ITGAL: variants seen among roughly 807,000 people sequenced by gnomAD.
The protein encoded by ITGAL is integrin subunit alpha L, also known as integrin alpha-L.
In ITGAL, 68 loss-of-function variants were observed where a neutral mutation model predicts 138.4. That is an observed-to-expected ratio of 0.49 (90% CI 0.40 to 0.60). The LOEUF (loss-of-function observed/expected upper bound fraction) is 0.60. Ranked by LOEUF, ITGAL falls within the 20% of genes least tolerant of loss-of-function variation. The probability of loss-of-function intolerance (pLI) is 0.00; values close to 1 mark genes in which losing one functional copy is unlikely to be tolerated. For missense variants in ITGAL, 1,256 were observed against 1,478.6 expected (o/e 0.85, Z 2.47); for synonymous variants, 561 against 584.3 (o/e 0.96, Z 0.57).
rs773068960 is a variant in ITGAL, at chr16:30,499,076, C to T, written c.1835C>T (p.Ser612Phe). The part of the protein sequence containing the change: ...GAESQMIVLS[S>F]RPVVDMVTLM... The stretch of plus-strand genomic sequence containing the variant: ...GTTGGTTGCCTTCTGCCCTGCAGCT[C>T]CCGGCCCGTGGTGGATATGGTCACC... Residue 612 changes from serine (S) to phenylalanine (F), a missense_variant and splice_region_variant, in exon 16 of 31, where the codon TCC (serine) becomes TTC (phenylalanine). This residue lies in a region of ITGAL where 867 missense variants were observed against 972.5 expected (regional missense o/e 0.89). Coordinates refer to ENST00000356798, the MANE Select transcript of ITGAL (RefSeq NM_002209.3). 12 of 1,613,666 alleles carry T rather than the reference C, an allele frequency of 7.4e-6. No individual in the cohort carries two copies. Among genetic ancestry groups the T allele is most frequent in the Non-Finnish European group, 1.0e-5 (12 of 1,179,882 alleles).
intron 17 of ITGAL, among the ~76,000 whole-genome samples, chr16:30,503,516 G>T (rs1683031894): frequency 7.3e-6 from 1 of 137,834 alleles, no homozygotes; most frequent in African/African-American, 2.6e-5. Context: ...AGGAGGGAAG[G>T]AAGGAAGGAC....
In ITGAL at chr16:30,511,095, C is replaced by T. The variant is rs2051085276; in HGVS notation, c.2745C>T (p.Thr915=). The T allele has an allele frequency of 3.7e-6, 6 of 1,613,960 alleles. No individual in the cohort carries two copies. Among genetic ancestry groups the T allele is most frequent in the Non-Finnish European group, 5.1e-6 (6 of 1,179,906 alleles). ...TCCTGGAGGACAACTCAGCCACTAC[C>T]ATCATCCCCATCCTGTACCCCATCA... The part of the protein sequence containing the change: ...SDLLEDNSAT[T]IIPILYPINI... Residue 915 remains threonine (T), a synonymous_variant, in exon 24 of 31, where the codon ACC becomes ACT. Coordinates refer to ENST00000356798, the MANE Select transcript of ITGAL (RefSeq NM_002209.3).
chr16:30,474,385 G>T (rs1035807104), intron 2 of ITGAL, 87 bp downstream of exon 2: 8 of 902,894 alleles, frequency 8.9e-6, no homozygotes, highest in Middle Eastern at 5.8e-4. Context: ...CCTCGCCTGG[G>T]CTAGTCGGTG....
rs143689979 is a variant in ITGAL, at chr16:30,485,188, C to T, written c.1006+925C>T. On this transcript the variant is annotated intron_variant, in intron 9 of 30. Coordinates refer to ENST00000356798, the MANE Select transcript of ITGAL (RefSeq NM_002209.3). ...CTCCCCTCTCCTCCCCTCTCCTCCC[C>T]CCTTCCTCTCCCCTCCTCTTCTCTT... 9.6e-4 allele frequency among the ~76,000 whole-genome samples: 129 copies of T among 134,810 alleles called. 1 individual carries two copies. Among genetic ancestry groups the T allele is most frequent in the African/African-American group, 3.4e-3 (125 of 36,254 alleles). The allele number at this position is 134,810 out of a possible 152,430, so 88.4% of individuals were successfully genotyped here.
chr16:30,514,807 C>CCTTTTCTTTTTT (rs1375529175), intron 25 of ITGAL, among the ~76,000 whole-genome samples: 4 of 150,924 alleles, frequency 2.7e-5, no homozygotes. Flanking sequence ...TTTATTTTTA[C>CCTTTTCTTTTTT]CTTTTCTTTT....
At chr16:30,487,886 T>C (rs985722176) in intron 9 of ITGAL, among the ~76,000 whole-genome samples, 1 of 151,438 alleles carries the variant, frequency 6.6e-6, no homozygotes, top group African/African-American at 2.4e-5. Context: ...CCTAGCTAAT[T>C]TTTGTACTTT....
At chr16:30,515,990 T>A (rs1157553724) in intron 25 of ITGAL, among the ~76,000 whole-genome samples, 1 of 151,882 alleles carries the variant, frequency 6.6e-6, no homozygotes, top group African/African-American at 2.4e-5. Flanking sequence ...AAAAAAATCC[T>A]GTCCATCTTT....
At chr16:30,521,375 C>T (rs767434688) in intron 30 of ITGAL, 117 bp from the exon 31 acceptor site, 1 of 852,394 alleles carries the variant, frequency 1.2e-6, no homozygotes, top group African/African-American at 1.7e-5. Flanking sequence ...CCACTGCACT[C>T]CAGCCTGGGC....
intron 24 of ITGAL, among the ~76,000 whole-genome samples, chr16:30,511,728 A>G (rs1346844607): frequency 6.6e-6 from 1 of 152,208 alleles, no homozygotes; most frequent in Non-Finnish European, 1.5e-5. Context: ...GCCCAAACTC[A>G]TGCACACACA....
At chr16:30,513,750 G>A (rs199778711) in intron 24 of ITGAL, 21 bp from the exon 25 acceptor site, 106 of 1,602,136 alleles carry the variant, frequency 6.6e-5, no homozygotes, top group Admixed American at 1.3e-4. Flanking sequence ...TTCTTCCATC[G>A]CTGCCCTTCT....
chr16:30,510,384 C>A lies in ITGAL; in HGVS notation c.2532C>A (p.Ser844Arg). 1 of 1,610,978 alleles carries A rather than the reference C, an allele frequency of 6.2e-7. No homozygotes were observed. Among genetic ancestry groups the A allele is most frequent in the Non-Finnish European group, 8.5e-7 (1 of 1,177,122 alleles). The change falls in exon 22 of 31, where the codon AGC becomes AGA. Residue 844 changes from serine to arginine, a missense_variant. Ser to Arg is a moderately radical substitution (Grantham distance 110). This residue lies in a region of ITGAL where 867 missense variants were observed against 972.5 expected (regional missense o/e 0.89). Transcript: ENST00000356798. The part of the protein sequence containing the change: ...MLKPHSQIPV[S>R]CEELPEESRL... ...AGCCCCATAGCCAGATACCTGTGAG[C>A]TGCGAGGAGCTTCCTGAAGAGTCCA... is the stretch of plus-strand genomic sequence containing the variant.
Position 30,521,873 on chromosome 16 carries a change from G to T in ITGAL, c.*208G>T. On this transcript the variant is annotated 3_prime_UTR_variant, in exon 31 of 31. Coordinates refer to ENST00000356798, the MANE Select transcript of ITGAL (RefSeq NM_002209.3). ...ACCTGCTGAGGGACCAGCCAAGAGG[G>T]CTGCAAAAGTGAGGGCTTGTCATTA... The T allele has an allele frequency of 3.7e-6, 2 of 542,312 alleles. No individual in the cohort carries two copies. The highest frequency in any genetic ancestry group is 6.5e-6 in the Non-Finnish European group (2 of 307,060). 33.6% of individuals were successfully genotyped at this position (542,312 alleles called of 1,614,324 possible). A position where few individuals can be genotyped will look rare whatever the true frequency, so the allele number is the denominator to read the frequency against.
At position 30,481,490 on chromosome 16, in the gene ITGAL, G is replaced by C; in HGVS notation, c.628G>C (p.Asp210His). Reference protein sequence around the residue: ...TSYKTEFDFSDYVKRKDPDAL... With the variant: ...TSYKTEFDFSHYVKRKDPDAL... ...CTACAAAACAGAATTTGATTTCTCAGATTATGTTAAACGGAAGGACCCTGA... is the reference window on the plus strand; with the variant it reads ...CTACAAAACAGAATTTGATTTCTCACATTATGTTAAACGGAAGGACCCTGA... Residue 210 changes from aspartate (D) to histidine (H), a missense_variant, in exon 7 of 31, where the codon GAT becomes CAT. This residue lies in a region of ITGAL where 177 missense variants were observed against 288.8 expected (regional missense o/e 0.61). Transcript: ENST00000356798. 1 of 1,612,628 alleles carries C rather than the reference G, an allele frequency of 6.2e-7. No individual in the cohort carries two copies. The highest frequency in any genetic ancestry group is 8.5e-7 in the Non-Finnish European group (1 of 1,178,992).
chr16:30,478,338 AAAAAAGAAAGAAAG>A (rs1222931564), intron 4 of ITGAL, among the ~76,000 whole-genome samples: 2 of 151,458 alleles, frequency 1.3e-5, no homozygotes, highest in African/African-American at 2.4e-5. Flanking sequence ...CGTCAAAAAA[AAAAAAGAAAGAAAG>A]AAAAAGAAAG....
Position 30,494,887 on chromosome 16 carries a change from G to A in ITGAL, c.1503+37G>A, listed in dbSNP as rs2151157072. 3 of 1,549,738 alleles carry A rather than the reference G, an allele frequency of 1.9e-6. No individual in the cohort carries two copies. The highest frequency in any genetic ancestry group is 2.0e-5 in the Admixed American group (1 of 49,948). ...ATCTGGAGCTGAGAGGGAGGAGGGA[G>A]AGCAGCAGAGATTCGCAGCTCCCAG... On this transcript the variant is annotated intron_variant, in intron 13 of 30. Coordinates refer to ENST00000356798, the MANE Select transcript of ITGAL (RefSeq NM_002209.3). This position sits in a 1 kb window ranked among gnomAD's most constrained non-coding sequence, Gnocchi z 4.2.
rs768605276 is a variant in ITGAL, at chr16:30,494,804, A to G, written c.1457A>G (p.Tyr486Cys). 6.2e-7 allele frequency: 1 copy of G among 1,611,684 alleles called. No individual in the cohort carries two copies. The highest frequency in any genetic ancestry group is 1.1e-5 in the South Asian group (1 of 90,900). Residue 486 changes from tyrosine (Y) to cysteine (C), a missense_variant, in exon 13 of 31, where the codon TAT (tyrosine) becomes TGT (cysteine). By Grantham distance (194) the Tyr-to-Cys change is radical (BLOSUM62 -2). Around this residue, in one of 3 missense-constraint regions of ITGAL, gnomAD observed 867 missense variants for 972.5 expected, o/e 0.89. Transcript: ENST00000356798. This position sits in a 1 kb window ranked among gnomAD's most constrained non-coding sequence, Gnocchi z 4.2. The stretch of plus-strand genomic sequence containing the variant: ...CTGCTGATTGGTGCCCCACTGTTCT[A>G]TGGGGAGCAGAGAGGAGGCCGGGTG... ...ELLLIGAPLF[Y>C]GEQRGGRVFI... is the part of the protein sequence containing the mutation.
In ITGAL at chr16:30,515,088, G is replaced by A. The variant is rs35834590; in HGVS notation, c.2862+1242G>A. 9.9e-5 allele frequency among the ~76,000 whole-genome samples: 15 copies of A among 152,236 alleles called. No homozygotes were observed. The East Asian group carries it at 2.9e-3, about 29-fold the overall frequency. On this transcript the variant is annotated intron_variant, in intron 25 of 30. Transcript: ENST00000356798. ...GATCCGCCCACCTCGGCCTCCCAAA[G>A]TGCTGAGATTACAGGCGTGAGCCAC...
chr16:30,500,057 ATTATTTATTTATTTATTTAT>A (rs34854709), intron 17 of ITGAL, among the ~76,000 whole-genome samples: 10 of 125,504 alleles, frequency 8.0e-5, no homozygotes, highest in Admixed American at 1.7e-4. Context: ...CCTATTTTAT[ATTATTTATTTATTTATTTAT>A]TTATTTATTT....
At chr16:30,516,035 G>T (rs1485489753) in intron 25 of ITGAL, among the ~76,000 whole-genome samples, 1 of 151,704 alleles carries the variant, frequency 6.6e-6, no homozygotes, top group East Asian at 1.9e-4. Flanking sequence ...CTGACATTTG[G>T]CCTTTTTAAT....
Sources: gnomAD v4.1 joint callset for allele counts (sites outside exome capture counted in the v4.1 genomes callset) on GRCh38, gnomAD v4.1.1 for gene constraint, gnomAD v4.1.1 regional missense constraint, Gnocchi (gnomAD v3.1) non-coding constraint, MANE v1.5 for transcripts, NCBI Gene and HGNC (gene_info 2026-07-23, HGNC 2026-07-21) for gene names.